Variants in ANKRD30BL observed in about 807,000 individuals in gnomAD.
ANKRD30BL encodes the protein putative ankyrin repeat domain-containing protein 30B-like.
In ANKRD30BL, 20 loss-of-function variants were observed where a neutral mutation model predicts 18.4. The ratio of observed to expected loss-of-function variants is 1.09; its 90% CI spans 0.77 to 1.58. ANKRD30BL has a LOEUF of 1.58. ANKRD30BL is among the 40% of genes most tolerant of loss of function. The probability of loss-of-function intolerance (pLI) is 0.00; values close to 1 mark genes in which losing one functional copy is unlikely to be tolerated. For synonymous variants in ANKRD30BL, 72 were observed against 100.9 expected (o/e 0.71, Z 1.72); for missense variants, 224 against 268.6 (o/e 0.83, Z 1.16).
At chr2:132,197,492 C>A (rs1168972135) in intron 1 of ANKRD30BL, among the ~76,000 whole-genome samples, 9 of 151,496 alleles carry the variant, frequency 5.9e-5, no homozygotes, top group Non-Finnish European at 1.3e-4. Context: ...TTATTAATTT[C>A]CTTCCATTAG....
Position 132,208,976 on chromosome 2 carries a change from G to A in ANKRD30BL, n.441+48553C>T, listed in dbSNP as rs371004606. 3.0e-4 allele frequency among the ~76,000 whole-genome samples: 45 copies of A among 152,160 alleles called. No homozygotes were observed. In the South Asian group the frequency reaches 8.3e-3, roughly 28 times the overall value. On this transcript the variant is annotated intron_variant and non_coding_transcript_variant, in intron 1 of 4. Transcript: ENST00000470729. The stretch of plus-strand genomic sequence containing the variant: ...GTGTCTGCAAGTGGATATTTGGAGC[G>A]CTTTACAGCCTATGGTGGAAAAGTA...
chr2:132,192,250 A>C (rs1678871580), intron 1 of ANKRD30BL, among the ~76,000 whole-genome samples: 1 of 152,210 alleles, frequency 6.6e-6, no homozygotes. Flanking sequence ...AGTGCAGGGC[A>C]GGACAGGGCT....
intron 1 of ANKRD30BL, among the ~76,000 whole-genome samples, chr2:132,173,518 C>T (rs1036722021): frequency 7.2e-5 from 11 of 151,960 alleles, no homozygotes; most frequent in Admixed American, 2.0e-4. Context: ...AGGATGGTCT[C>T]GATTTCCTCA....
intron 1 of ANKRD30BL, among the ~76,000 whole-genome samples, chr2:132,192,165 A>C (rs1260892086): frequency 6.6e-6 from 1 of 152,196 alleles, no homozygotes; most frequent in Non-Finnish European, 1.5e-5. Context: ...CATAAAACTC[A>C]AGAAACCCTA....
chr2:132,224,616 G>C (rs1679791107), intron 1 of ANKRD30BL, among the ~76,000 whole-genome samples: 1 of 152,100 alleles, frequency 6.6e-6, no homozygotes, highest in Non-Finnish European at 1.5e-5. Flanking sequence ...TGAGAGCTTT[G>C]TGGCCTATGG....
intron 1 of ANKRD30BL, among the ~76,000 whole-genome samples, chr2:132,188,849 G>A (rs142413726): frequency 0.062 from 9,449 of 152,160 alleles, 990 homozygotes; most frequent in African/African-American, 0.21. Flanking sequence ...GAAAAGATTG[G>A]TTCTACTACA....
intron 1 of ANKRD30BL, among the ~76,000 whole-genome samples, chr2:132,228,761 G>T (rs1257293708): frequency 6.9e-6 from 1 of 144,628 alleles, no homozygotes; most frequent in Non-Finnish European, 1.5e-5. Context: ...TGGTAGAAAA[G>T]GAAATATCTT....
In ANKRD30BL at chr2:132,218,860, A is replaced by G. The variant is rs565841153; in HGVS notation, n.441+38669T>C. ...AACTTCTTTGTGATGCGTACATTCA[A>G]CTAACAGAGTTAAACCTTTCTTTTG... On this transcript the variant is annotated intron_variant and non_coding_transcript_variant, in intron 1 of 4. Transcript: ENST00000470729. Among the ~76,000 whole-genome samples the G allele has an allele frequency of 4.6e-5, 7 of 152,316 alleles. No individual in the cohort carries two copies. In the East Asian group the frequency reaches 1.4e-3, roughly 29 times the overall value.
At chr2:132,204,280 T>C (rs2104750391) in intron 1 of ANKRD30BL, among the ~76,000 whole-genome samples, 1 of 151,832 alleles carries the variant, frequency 6.6e-6, no homozygotes, top group South Asian at 2.1e-4. Context: ...TGAAGGAAAA[T>C]GTTAAATGAT....
chr2:132,225,848 G>T (rs1015720093), intron 1 of ANKRD30BL, among the ~76,000 whole-genome samples: 1 of 151,892 alleles, frequency 6.6e-6, no homozygotes, highest in African/African-American at 2.4e-5. Flanking sequence ...ATAAAAACTA[G>T]ACAGTAGCAT....
At chr2:132,165,765 C>CTTT (rs542769216), upstream of ANKRD30BL, among the ~76,000 whole-genome samples, 196 of 137,786 alleles carry the variant, frequency 1.4e-3, no homozygotes, top group Non-Finnish European at 1.7e-3. Context: ...ATATGTAAGA[C>CTTT]TTTTTTTTTT....
chr2:132,189,134 T>G (rs1306407549), intron 1 of ANKRD30BL, among the ~76,000 whole-genome samples: 3 of 152,182 alleles, frequency 2.0e-5, no homozygotes, highest in Admixed American at 2.0e-4. Context: ...CCCCAGCAGT[T>G]GATTCACAGT....
At chr2:132,193,399 T>TCC (rs552260132) in intron 1 of ANKRD30BL, among the ~76,000 whole-genome samples, 141 of 152,254 alleles carry the variant, frequency 9.3e-4, no homozygotes, top group South Asian at 2.1e-3. Flanking sequence ...ATATCCTTAT[T>TCC]CCAGGGCTGG....
chr2:132,248,218 A>G (rs962189858), intron 1 of ANKRD30BL, among the ~76,000 whole-genome samples: 4 of 152,090 alleles, frequency 2.6e-5, no homozygotes, highest in Admixed American at 2.6e-4. Flanking sequence ...AGATGAATAC[A>G]CTCATCACAA....
intron 1 of ANKRD30BL, among the ~76,000 whole-genome samples, chr2:132,235,299 A>C (rs375470693): frequency 2.6e-5 from 4 of 152,184 alleles, no homozygotes; most frequent in African/African-American, 9.7e-5. Context: ...GCCCTCTCTC[A>C]CCACTCCTAT....
chr2:132,239,907 GA>G (rs1680264900), intron 1 of ANKRD30BL, among the ~76,000 whole-genome samples: 2 of 149,438 alleles, frequency 1.3e-5, no homozygotes, highest in African/African-American at 4.9e-5. Context: ...TAGCAATTTT[GA>G]AACACTCTTT....
At chr2:132,172,106 G>A (rs1688293367) in intron 1 of ANKRD30BL, among the ~76,000 whole-genome samples, 1 of 152,136 alleles carries the variant, frequency 6.6e-6, no homozygotes. Context: ...GGTGTATTTT[G>A]TTTATTCATT....
At chr2:132,183,275 A>T (rs7606725) in intron 1 of ANKRD30BL, among the ~76,000 whole-genome samples, 22,816 of 151,620 alleles carry the variant, frequency 0.15, 3,385 homozygotes, top group African/African-American at 0.38. Context: ...GGGATTACAG[A>T]CATGTGCCAT....
At chr2:132,228,268 A>C (rs1350934161) in intron 1 of ANKRD30BL, among the ~76,000 whole-genome samples, 1 of 151,948 alleles carries the variant, frequency 6.6e-6, no homozygotes, top group Non-Finnish European at 1.5e-5. Flanking sequence ...TTTCACATCA[A>C]AACGACACAG....
Sources: gnomAD v4.1 joint callset for allele counts (sites outside exome capture counted in the v4.1 genomes callset) on GRCh38, gnomAD v4.1.1 for gene constraint, MANE v1.5 for transcripts, NCBI Gene and HGNC (gene_info 2026-07-23, HGNC 2026-07-21) for gene names.